STARD8: variants seen among roughly 807,000 people sequenced by gnomAD.
STARD8 encodes stAR-related lipid transfer protein 8.
Under a neutral mutation model 69.4 loss-of-function variants are expected in STARD8, and 25 were observed. The ratio of observed to expected loss-of-function variants is 0.36; its 90% CI spans 0.26 to 0.50. The LOEUF is 0.50. STARD8 is among the 20% of genes least tolerant of loss of function. STARD8 has a pLI of 0.96. For synonymous variants in STARD8, 389 were observed against 374.6 expected, an observed-to-expected ratio of 1.04 and a Z score of -0.45; for missense variants, 921 against 932.5, an observed-to-expected ratio of 0.99 and a Z score of 0.16.
chrX:68,693,679 G>C (rs959605625), intron 2 of STARD8: 87 of 753,688 alleles, frequency 1.2e-4, no homozygotes, highest in Middle Eastern at 7.6e-4. Flanking sequence ...AAGCAGCCGC[G>C]GCAGCTGCTC....
At chrX:68,704,138 C>T (rs759126280) in intron 2 of STARD8, among the ~76,000 whole-genome samples, 6 of 111,608 alleles carry the variant, frequency 5.4e-5, no homozygotes, top group African/African-American at 2.0e-4. Flanking sequence ...TGCAGAGAAG[C>T]CCCCAGTTGA....
At chrX:68,719,536 G>C in intron 7 of STARD8, 138 bp downstream of exon 7, 1 of 717,001 alleles carries the variant, frequency 1.4e-6, no homozygotes, top group East Asian at 4.0e-5. Flanking sequence ...CAGGAGGCTG[G>C]AGGGGCTTGG....
At chrX:68,688,004 G>C (rs967517438) in intron 2 of STARD8, among the ~76,000 whole-genome samples, 1 of 112,822 alleles carries the variant, frequency 8.9e-6, no homozygotes, top group Admixed American at 9.3e-5. Flanking sequence ...CCCAGTGCCC[G>C]GCACAGACAA....
At position 68,722,086 on chromosome X, in the gene STARD8, T is replaced by C; in HGVS notation, c.2499T>C (p.Pro833=). 1 of 1,206,748 alleles carries C rather than the reference T, an allele frequency of 8.3e-7. No individual in the cohort carries two copies. The highest frequency in any genetic ancestry group is 1.1e-6 in the Non-Finnish European group (1 of 891,741). ...SKRSLIGRPG[P]RDLSDNMAAT... ...GCAGCCTCATTGGCAGGCCAGGCCC[T>C]AGGGACCTGAGTGACAACATGGCAG... The change falls in exon 11 of 15, where the codon CCT becomes CCC. Residue 833 remains proline, a synonymous_variant. Coordinates refer to ENST00000374599, the MANE Select transcript of STARD8 (RefSeq NM_001142503.3).
In STARD8 at chrX:68,668,266, CTTTCTTTCTCTT is replaced by C. The variant is rs1380041496; in HGVS notation, c.79+2736_79+2747del. Among the ~76,000 whole-genome samples the C allele has an allele frequency of 2.4e-3, 186 of 79,004 alleles. 1 individual carries two copies. The highest frequency in any genetic ancestry group is 9.5e-3 in the South Asian group (16 of 1,688). The allele number at this position is 79,004 out of a possible 115,157, so 68.6% of individuals were successfully genotyped here. ...TCTTTCTTTCTTTCTTTCTTTCTTT[CTTTCTTTCTCTT>C]TCTTTCTTTCTTTCTTTCTTTCTTC... is the stretch of plus-strand genomic sequence containing the variant. On this transcript the variant is annotated intron_variant, in intron 2 of 14. Transcript: ENST00000374599.
At chrX:68,649,878 C>T (rs2079536203) in intron 1 of STARD8, among the ~76,000 whole-genome samples, 1 of 110,117 alleles carries the variant, frequency 9.1e-6, no homozygotes, top group Non-Finnish European at 1.9e-5. Flanking sequence ...GATGCAGAGG[C>T]CAGGAAGGAG....
intron 12 of STARD8, 23 bp from the exon 13 acceptor site, chrX:68,723,603 A>G: frequency 8.6e-7 from 1 of 1,159,162 alleles, no homozygotes; most frequent in Non-Finnish European, 1.2e-6. Context: ...AGCTGCCCCC[A>G]TCCCCACTCC....
At chrX:68,658,271 T>A (rs2079623058) in intron 1 of STARD8, among the ~76,000 whole-genome samples, 1 of 112,362 alleles carries the variant, frequency 8.9e-6, no homozygotes, top group South Asian at 3.7e-4. Flanking sequence ...ATTGTCATCA[T>A]CCTCATTTTA....
intron 2 of STARD8, among the ~76,000 whole-genome samples, chrX:68,666,284 C>T (rs937140212): frequency 1.8e-5 from 2 of 112,280 alleles, no homozygotes; most frequent in African/African-American, 3.2e-5. Context: ...CTAAGGTCAT[C>T]GAGGCCATCG....
At chrX:68,689,464 G>A (rs1178401899) in intron 2 of STARD8, among the ~76,000 whole-genome samples, 2 of 112,301 alleles carry the variant, frequency 1.8e-5, no homozygotes, top group African/African-American at 6.5e-5. Flanking sequence ...CCATCAGGCT[G>A]GCACATTGAC....
At chrX:68,715,632 C>T (rs1396525530) in intron 4 of STARD8, among the ~76,000 whole-genome samples, 3 of 112,160 alleles carry the variant, frequency 2.7e-5, no homozygotes, top group Admixed American at 1.9e-4. Flanking sequence ...TCCTCTGCTT[C>T]AGTCCCTCTC....
At chrX:68,697,052 A>G (rs771029383) in intron 2 of STARD8, among the ~76,000 whole-genome samples, 1 of 112,046 alleles carries the variant, frequency 8.9e-6, no homozygotes, top group Admixed American at 9.4e-5. Context: ...ACTCTTATCT[A>G]CATCATGCCC....
chrX:68,720,878 A>C (rs1203060191), intron 8 of STARD8, 46 bp from the exon 9 acceptor site: 2 of 1,146,601 alleles, frequency 1.7e-6, no homozygotes. Flanking sequence ...TCTGCCTCCT[A>C]CTCATGCATG....
chrX:68,666,956 C>A (rs774484693), intron 2 of STARD8, among the ~76,000 whole-genome samples: 1 of 111,632 alleles, frequency 9.0e-6, no homozygotes, highest in Non-Finnish European at 1.9e-5. Context: ...GATGAATGCA[C>A]CCACAGCTGC....
At chrX:68,658,340 T>C (rs187041550) in intron 1 of STARD8, among the ~76,000 whole-genome samples, 1 of 112,447 alleles carries the variant, frequency 8.9e-6, no homozygotes, top group East Asian at 2.8e-4. Context: ...AAGTGGTGAA[T>C]TGGGGATTTT....
chrX:68,657,457 A>G (rs768747392), intron 1 of STARD8, among the ~76,000 whole-genome samples: 2 of 112,264 alleles, frequency 1.8e-5, no homozygotes, highest in South Asian at 7.5e-4. Flanking sequence ...CATCTCATGC[A>G]GCTTACTGTC....
chrX:68,707,310 C>T (rs1427793199), intron 2 of STARD8, among the ~76,000 whole-genome samples: 1 of 112,363 alleles, frequency 8.9e-6, no homozygotes, highest in Non-Finnish European at 1.9e-5. Flanking sequence ...CCTCAGCCAT[C>T]ATAGACATTC....
At chrX:68,670,920 C>T (rs976475962) in intron 2 of STARD8, among the ~76,000 whole-genome samples, 3 of 111,181 alleles carry the variant, frequency 2.7e-5, no homozygotes, top group African/African-American at 9.8e-5. Flanking sequence ...AAATCTACCG[C>T]CTTTTCTTGT....
chrX:68,703,500 C>T (rs752327029), intron 2 of STARD8, among the ~76,000 whole-genome samples: 8 of 112,616 alleles, frequency 7.1e-5, no homozygotes, highest in Non-Finnish European at 1.5e-4. Context: ...CATCACAGCC[C>T]TCCCTCTGGC....
Sources: gnomAD v4.1 joint callset for allele counts (sites outside exome capture counted in the v4.1 genomes callset) on GRCh38, gnomAD v4.1.1 for gene constraint, MANE v1.5 for transcripts, NCBI Gene and HGNC (gene_info 2026-07-23, HGNC 2026-07-21) for gene names.